The following LRRC4C variants were observed in gnomAD, a reference collection of about 807,000 sequenced individuals.
The protein encoded by LRRC4C is leucine-rich repeat-containing protein 4C.
In LRRC4C, 5 loss-of-function variants were observed where a neutral mutation model predicts 33.6. The observed-to-expected ratio is 0.15, with a 90% CI of 0.08 to 0.31. The LOEUF is 0.31. Ranked by LOEUF, LRRC4C falls within the 10% of genes least tolerant of loss-of-function variation. The pLI, the probability that LRRC4C is intolerant of heterozygous loss-of-function variation, is 1.00. For missense variants in LRRC4C, 560 were observed against 796.7 expected, an observed-to-expected ratio of 0.70 and a Z score of 3.58; for synonymous variants, 329 against 302.0, an observed-to-expected ratio of 1.09 and a Z score of -0.93.
At chr11:40,188,862 C>A (rs903151521) in intron 5 of LRRC4C, among the ~76,000 whole-genome samples, 2 of 152,198 alleles carry the variant, frequency 1.3e-5, no homozygotes, top group Non-Finnish European at 2.9e-5. Context: ...TTTCTTTGTG[C>A]ACACCTATGC....
chr11:40,593,256 A>G (rs1242761943), intron 3 of LRRC4C, among the ~76,000 whole-genome samples: 1 of 152,234 alleles, frequency 6.6e-6, no homozygotes, highest in Non-Finnish European at 1.5e-5. Context: ...CTTAAGTGCT[A>G]CCTTGACTTA....
intron 1 of LRRC4C, among the ~76,000 whole-genome samples, chr11:40,954,399 T>C (rs987547159): frequency 6.6e-6 from 1 of 151,876 alleles, no homozygotes; most frequent in South Asian, 2.1e-4. Context: ...TATAATATTT[T>C]GGAAATCCCT....
chr11:41,109,660 T>C (rs1450435315), intron 1 of LRRC4C, among the ~76,000 whole-genome samples: 2 of 152,120 alleles, frequency 1.3e-5, no homozygotes, highest in Admixed American at 1.3e-4. Context: ...AACTAGAAGA[T>C]AATTTATTAA....
At chr11:40,598,881 C>T (rs534516275) in intron 3 of LRRC4C, among the ~76,000 whole-genome samples, 2 of 152,112 alleles carry the variant, frequency 1.3e-5, no homozygotes. Flanking sequence ...GGGGAGATAG[C>T]AGAGTGAAAT....
At chr11:40,819,383 C>T (rs1210596582) in intron 2 of LRRC4C, among the ~76,000 whole-genome samples, 1 of 152,120 alleles carries the variant, frequency 6.6e-6, no homozygotes, top group African/African-American at 2.4e-5. Flanking sequence ...TTATAATGTT[C>T]TTGCCCCGGA....
At chr11:40,897,172 C>A (rs1362562727) in intron 2 of LRRC4C, among the ~76,000 whole-genome samples, 2 of 152,138 alleles carry the variant, frequency 1.3e-5, no homozygotes, top group East Asian at 3.9e-4. Flanking sequence ...ATGAGGAATA[C>A]TTGAAATGCA....
At chr11:41,366,727 G>T (rs1417061265) in intron 1 of LRRC4C, among the ~76,000 whole-genome samples, 1 of 151,982 alleles carries the variant, frequency 6.6e-6, no homozygotes. Flanking sequence ...CAATATGACT[G>T]GTGTCATATA....
intron 1 of LRRC4C, among the ~76,000 whole-genome samples, chr11:41,097,472 T>C (rs1481405792): frequency 6.6e-6 from 1 of 152,150 alleles, no homozygotes; most frequent in Admixed American, 6.6e-5. Flanking sequence ...CAAAGAATGT[T>C]CTTCTGTATG....
chr11:41,355,132 A>T (rs1952115388), intron 1 of LRRC4C, among the ~76,000 whole-genome samples: 1 of 152,082 alleles, frequency 6.6e-6, no homozygotes, highest in African/African-American at 2.4e-5. Context: ...AGGAACTCAA[A>T]CAAATAGCTC....
chr11:40,216,560 C>G (rs1863992235), intron 5 of LRRC4C, among the ~76,000 whole-genome samples: 1 of 152,034 alleles, frequency 6.6e-6, no homozygotes, highest in Non-Finnish European at 1.5e-5. Context: ...TAGTTCTCTT[C>G]TAAAATGAGA....
At chr11:41,084,202 T>C (rs1939788402) in intron 1 of LRRC4C, among the ~76,000 whole-genome samples, 1 of 152,166 alleles carries the variant, frequency 6.6e-6, no homozygotes, top group Non-Finnish European at 1.5e-5. Flanking sequence ...AATTGTGATG[T>C]AAAACCCCAG....
intron 2 of LRRC4C, among the ~76,000 whole-genome samples, chr11:40,892,134 CA>C (rs58855313): frequency 0.092 from 10,495 of 113,740 alleles, 462 homozygotes; most frequent in African/African-American, 0.2. Flanking sequence ...GATTGTGTCT[CA>C]AAAAAAAAAA....
chr11:40,465,429 G>A (rs1423499669), intron 3 of LRRC4C, among the ~76,000 whole-genome samples: 1 of 151,846 alleles, frequency 6.6e-6, no homozygotes, highest in Non-Finnish European at 1.5e-5. Flanking sequence ...GACCCTAAAA[G>A]CAAATGCAAC....
rs142584079 is a variant in LRRC4C at position 40,626,616 on chromosome 11, G to A, written c.-270+21526C>T. Reference sequence around the variant, plus strand: ...CTAGGCACCCAGCATTGTGTGAGAAGGAAGCTCCAAGACTTGTACATCATT... The same window carrying A: ...CTAGGCACCCAGCATTGTGTGAGAAAGAAGCTCCAAGACTTGTACATCATT... On this transcript the variant is annotated intron_variant, in intron 3 of 6. Transcript: ENST00000528697. 9.2e-5 allele frequency among the ~76,000 whole-genome samples: 14 copies of A among 152,288 alleles called. No individual in the cohort carries two copies. In the East Asian group the frequency reaches 2.3e-3, roughly 25 times the overall value.
chr11:40,990,962 C>CT (rs1286714304), intron 1 of LRRC4C, among the ~76,000 whole-genome samples: 1 of 150,974 alleles, frequency 6.6e-6, no homozygotes, highest in Non-Finnish European at 1.5e-5. Context: ...GGACTAGTTC[C>CT]TGTTTTTTAT....
intron 2 of LRRC4C, among the ~76,000 whole-genome samples, chr11:40,858,023 G>GAC (rs1953884436): frequency 7.4e-6 from 1 of 135,124 alleles, no homozygotes; most frequent in Non-Finnish European, 1.6e-5. Context: ...GAAAGGAAGG[G>GAC]AAGGGAAGGG....
chr11:40,851,656 C>T (rs1953505369), intron 2 of LRRC4C, among the ~76,000 whole-genome samples: 1 of 152,076 alleles, frequency 6.6e-6, no homozygotes, highest in Non-Finnish European at 1.5e-5. Context: ...AAAAGACAAA[C>T]TGTTTCCCAG....
At chr11:40,581,211 A>G (rs1958450602) in intron 3 of LRRC4C, among the ~76,000 whole-genome samples, 1 of 152,256 alleles carries the variant, frequency 6.6e-6, no homozygotes, top group Non-Finnish European at 1.5e-5. Context: ...ATGTTCAACT[A>G]TAGAAGCTCC....
chr11:40,305,241 G>A (rs1944973293), intron 4 of LRRC4C, among the ~76,000 whole-genome samples: 1 of 152,190 alleles, frequency 6.6e-6, no homozygotes. Flanking sequence ...GCTACCCCAT[G>A]TCTATTGCAA....
Sources: gnomAD v4.1 joint callset for allele counts (sites outside exome capture counted in the v4.1 genomes callset) on GRCh38, gnomAD v4.1.1 for gene constraint, MANE v1.5 for transcripts, NCBI Gene and HGNC (gene_info 2026-07-23, HGNC 2026-07-21) for gene names.